Variants in MIR2052HG observed in about 807,000 individuals in gnomAD.
MIR2052HG encodes the protein MIR2052 host gene.
chr8:74,692,084 T>G (rs1001271131), intron 2 of MIR2052HG, among the ~76,000 whole-genome samples: 1 of 152,086 alleles, frequency 6.6e-6, no homozygotes, highest in Non-Finnish European at 1.5e-5. Flanking sequence ...AAATGTTTCT[T>G]TCTTTTCTTT....
intron 2 of MIR2052HG, among the ~76,000 whole-genome samples, chr8:74,660,910 T>A (rs1303476111): frequency 6.6e-6 from 1 of 152,112 alleles, no homozygotes; most frequent in African/African-American, 2.4e-5. Context: ...GGAGATCCGA[T>A]GAAAACCTGA....
intron 1 of MIR2052HG, among the ~76,000 whole-genome samples, chr8:74,602,817 G>GTTTCTTTCTTTCTTTC (rs58455200): frequency 0.069 from 5,068 of 73,662 alleles, 592 homozygotes; most frequent in East Asian, 0.076. Flanking sequence ...GCCCGGCCGT[G>GTTTCTTTCTTTCTTTC]TTTCTTTCTT....
chr8:74,663,933 G>A (rs997818142), intron 2 of MIR2052HG, among the ~76,000 whole-genome samples: 4 of 152,030 alleles, frequency 2.6e-5, no homozygotes, highest in Admixed American at 6.5e-5. Context: ...ATATTCCACC[G>A]TGAAAATTGG....
chr8:74,604,571 CTTGT>C (rs1365941517), intron 1 of MIR2052HG, among the ~76,000 whole-genome samples: 37 of 115,634 alleles, frequency 3.2e-4, no homozygotes, highest in African/African-American at 1.2e-3. Context: ...CTGGGCCGGC[CTTGT>C]TTCTTTACTT....
intron 2 of MIR2052HG, among the ~76,000 whole-genome samples, chr8:74,700,285 C>G (rs1809345528): frequency 6.6e-6 from 1 of 152,158 alleles, no homozygotes; most frequent in Non-Finnish European, 1.5e-5. Context: ...AAGTATGCTG[C>G]TACAGACATA....
intron 2 of MIR2052HG, among the ~76,000 whole-genome samples, chr8:74,646,594 CTGG>C (rs1434090226): frequency 6.6e-6 from 1 of 152,098 alleles, no homozygotes; most frequent in Non-Finnish European, 1.5e-5. Context: ...GTTTTATAGA[CTGG>C]TGGGCATTCA....
At chr8:74,630,105 G>A (rs117719569) in intron 2 of MIR2052HG, among the ~76,000 whole-genome samples, 2,811 of 152,282 alleles carry the variant, frequency 0.018, 38 homozygotes, top group Non-Finnish European at 0.025. Flanking sequence ...GTTCAGGTCT[G>A]TTCAGAATGA....
At chr8:74,613,476 T>A (rs1486267434) in intron 2 of MIR2052HG, among the ~76,000 whole-genome samples, 2 of 152,148 alleles carry the variant, frequency 1.3e-5, no homozygotes, top group South Asian at 2.1e-4. Context: ...AGAGGCTTGA[T>A]GGCAGGGATT....
chr8:74,669,352 A>G (rs1203795304), intron 2 of MIR2052HG, among the ~76,000 whole-genome samples: 2 of 152,004 alleles, frequency 1.3e-5, no homozygotes, highest in Admixed American at 6.6e-5. Context: ...GCCTCTCACC[A>G]TTTCTACTGC....
chr8:74,742,198 A>G (rs983526128), intron 4 of MIR2052HG, among the ~76,000 whole-genome samples: 6 of 152,188 alleles, frequency 3.9e-5, no homozygotes, highest in Non-Finnish European at 7.4e-5. Flanking sequence ...AGATCACAAA[A>G]GATTGGTTTA....
intron 4 of MIR2052HG, among the ~76,000 whole-genome samples, chr8:74,715,780 G>A (rs1264601763): frequency 6.6e-6 from 1 of 152,136 alleles, no homozygotes; most frequent in Non-Finnish European, 1.5e-5. Flanking sequence ...GTCCAGGGAG[G>A]CAATCTTTAT....
intron 4 of MIR2052HG, among the ~76,000 whole-genome samples, chr8:74,714,062 G>T (rs1297182340): frequency 6.6e-6 from 1 of 151,990 alleles, no homozygotes; most frequent in Non-Finnish European, 1.5e-5. Flanking sequence ...CAACAACTAG[G>T]GTTTCTATCA....
chr8:74,663,704 A>G (rs1808890830), intron 2 of MIR2052HG, among the ~76,000 whole-genome samples: 3 of 152,230 alleles, frequency 2.0e-5, no homozygotes, highest in Admixed American at 2.0e-4. Flanking sequence ...AATCTAGTGA[A>G]CTTGATCTTA....
intron 2 of MIR2052HG, among the ~76,000 whole-genome samples, chr8:74,674,239 A>C (rs1269257576): frequency 6.6e-6 from 1 of 151,530 alleles, no homozygotes; most frequent in Non-Finnish European, 1.5e-5. Flanking sequence ...AAGATTGCTC[A>C]GAATGAATGT....
rs541115411 is a variant in MIR2052HG at position 74,633,203 on chromosome 8, T to C, written n.216+20263T>C. 3.9e-5 allele frequency: 6 copies of C among 152,200 alleles called. No homozygotes were observed. In the East Asian group the frequency reaches 9.7e-4, roughly 25 times the overall value. The allele number at this position is 152,200 out of a possible 1,614,324, so 9.4% of individuals were successfully genotyped here. On this transcript the variant is annotated intron_variant and non_coding_transcript_variant, in intron 2 of 6. Transcript: ENST00000523442. ...CCTGGCTAATGGTTTTCTTTTTTGT[T>C]TTTTTGTAGAGACAGGGTCTCTTCA...
At chr8:74,630,767 A>G (rs1209864693) in intron 2 of MIR2052HG, among the ~76,000 whole-genome samples, 2 of 152,140 alleles carry the variant, frequency 1.3e-5, no homozygotes, top group Non-Finnish European at 2.9e-5. Context: ...ACAATTCACA[A>G]CAAGAAGAGT....
At chr8:74,725,167 G>A (rs1357009964) in intron 4 of MIR2052HG, among the ~76,000 whole-genome samples, 1 of 152,172 alleles carries the variant, frequency 6.6e-6, no homozygotes, top group Non-Finnish European at 1.5e-5. Context: ...CAAGCACATT[G>A]GCATATGAAT....
At chr8:74,665,684 A>T (rs1175170933) in intron 2 of MIR2052HG, among the ~76,000 whole-genome samples, 1 of 151,906 alleles carries the variant, frequency 6.6e-6, no homozygotes, top group Non-Finnish European at 1.5e-5. Context: ...TCTCACTTCT[A>T]TTATAATACT....
chr8:74,628,164 A>C (rs1586896123), intron 2 of MIR2052HG, among the ~76,000 whole-genome samples: 1 of 152,294 alleles, frequency 6.6e-6, no homozygotes, highest in South Asian at 2.1e-4. Flanking sequence ...CTATTACAAA[A>C]GATATGGCCT....
Sources: gnomAD v4.1 joint callset for allele counts (sites outside exome capture counted in the v4.1 genomes callset) on GRCh38, gnomAD v4.1.1 for gene constraint, MANE v1.5 for transcripts, NCBI Gene and HGNC (gene_info 2026-07-23, HGNC 2026-07-21) for gene names.